The following CD99L2 variants were observed in gnomAD, a reference collection of about 807,000 sequenced individuals.
CD99L2 encodes the protein CD99 antigen-like protein 2.
Under a neutral mutation model 27.3 loss-of-function variants are expected in CD99L2, and 24 were observed. The observed-to-expected ratio is 0.88, with a 90% CI of 0.64 to 1.24. The LOEUF is 1.24. CD99L2 is among the 50% of genes most tolerant of loss of function. The pLI is 0.00. For missense variants in CD99L2, 255 were observed against 221.6 expected (o/e 1.15, Z -0.96); for synonymous variants, 97 against 87.9 (o/e 1.10, Z -0.58).
chrX:150,816,360 G>T (rs1419413086), intron 2 of CD99L2: 19 of 334,781 alleles, frequency 5.7e-5, no homozygotes, highest in South Asian at 2.2e-4. Context: ...CTTGCACCCA[G>T]ATCTGCTGGA....
At chrX:150,823,192 A>C (rs2046266089) in intron 2 of CD99L2, among the ~76,000 whole-genome samples, 1 of 112,593 alleles carries the variant, frequency 8.9e-6, no homozygotes, top group South Asian at 3.7e-4. Context: ...TATTAGCAGC[A>C]TGAGAATGGA....
intron 2 of CD99L2, among the ~76,000 whole-genome samples, chrX:150,827,147 C>T (rs150192934): frequency 1.7e-3 from 192 of 111,011 alleles, no homozygotes; most frequent in Non-Finnish European, 2.5e-3. Flanking sequence ...AGGTCATTTA[C>T]GATACAATCT....
At chrX:150,807,773 T>C (rs2046017496) in intron 4 of CD99L2, among the ~76,000 whole-genome samples, 1 of 112,292 alleles carries the variant, frequency 8.9e-6, no homozygotes, top group South Asian at 3.7e-4. Context: ...CCACTTATAT[T>C]TGATAGAAAT....
chrX:150,885,492 G>A (rs34984949), intron 1 of CD99L2, among the ~76,000 whole-genome samples: 21,742 of 111,275 alleles, frequency 0.2, 1,667 homozygotes, highest in African/African-American at 0.29. Flanking sequence ...TGCCAATAAT[G>A]TGAAATACAT....
rs137911303 is a variant in CD99L2, at chrX:150,880,330, T to G, written c.67+18192A>C. Among the ~76,000 whole-genome samples the G allele has an allele frequency of 2.4e-3, 269 of 112,331 alleles. 3 individuals are homozygous for G. The highest frequency in any genetic ancestry group is 7.8e-3 in the African/African-American group (241 of 30,944). ...TCAGCTGGGGAACAGATAAACACCA[T>G]GTGGTCTACCCATAAAATGGAATAC... On this transcript the variant is annotated intron_variant, in intron 1 of 10. Coordinates refer to ENST00000370377, the MANE Select transcript of CD99L2 (RefSeq NM_031462.4).
chrX:150,824,210 G>A (rs782074293), intron 2 of CD99L2, among the ~76,000 whole-genome samples: 2 of 73,197 alleles, frequency 2.7e-5, no homozygotes, highest in South Asian at 2.1e-3. Context: ...GGAGGAGGAA[G>A]AGGAGGAGGA....
intron 2 of CD99L2, among the ~76,000 whole-genome samples, chrX:150,818,590 T>C (rs927521086): frequency 1.5e-4 from 17 of 111,201 alleles, no homozygotes; most frequent in Non-Finnish European, 1.9e-5. Context: ...AAACACAACA[T>C]ACCAAAACTT....
chrX:150,879,700 A>T (rs1158262566), intron 1 of CD99L2, among the ~76,000 whole-genome samples: 1 of 94,435 alleles, frequency 1.1e-5, no homozygotes, highest in African/African-American at 3.9e-5. Flanking sequence ...TGAGCCTAGG[A>T]GTTCAAGACC....
chrX:150,824,326 G>GAGA (rs1222953852), intron 2 of CD99L2, among the ~76,000 whole-genome samples: 5 of 80,495 alleles, frequency 6.2e-5, no homozygotes, highest in East Asian at 7.6e-4. Context: ...GGAGGAGGAG[G>GAGA]AGAAGAAGAA....
At chrX:150,870,768 C>T (rs1569566128) in intron 1 of CD99L2, among the ~76,000 whole-genome samples, 2 of 110,953 alleles carry the variant, frequency 1.8e-5, no homozygotes, top group Non-Finnish European at 3.8e-5. Context: ...TGCACCCCCC[C>T]ATCCTAGCAG....
At chrX:150,824,258 AAG>A (rs2046301592) in intron 2 of CD99L2, among the ~76,000 whole-genome samples, 3 of 70,853 alleles carry the variant, frequency 4.2e-5, no homozygotes, top group African/African-American at 1.7e-4. Context: ...GAGGAGGAGG[AAG>A]AAGGAAGGAG....
At chrX:150,844,338 G>A (rs1384297131) in intron 1 of CD99L2, among the ~76,000 whole-genome samples, 1 of 111,934 alleles carries the variant, frequency 8.9e-6, no homozygotes, top group East Asian at 2.8e-4. Context: ...CTGCTTGTGG[G>A]AAATCTATGC....
chrX:150,769,818 TTGCCAACAGCTCCTGAATCCAGAAAG>T lies in CD99L2; in HGVS notation c.721+460_721+485del, dbSNP rs1212368916. Among the ~76,000 whole-genome samples the T allele has an allele frequency of 3.6e-5, 4 of 112,385 alleles. No individual in the cohort carries two copies. In the South Asian group the frequency reaches 1.5e-3, roughly 41 times the overall value. The stretch of plus-strand genomic sequence containing the variant: ...TGGCCTGAACTTATGCGACCTCAAA[TTGCCAACAGCTCCTGAATCCAGAAAG>T]TGCTTGATGACCACAGAAGGGGGAG... On this transcript the variant is annotated intron_variant, in intron 10 of 10. Coordinates refer to ENST00000370377, the MANE Select transcript of CD99L2 (RefSeq NM_031462.4).
intron 2 of CD99L2, among the ~76,000 whole-genome samples, chrX:150,824,817 G>A (rs1044697674): frequency 4.5e-5 from 5 of 112,147 alleles, no homozygotes; most frequent in African/African-American, 9.7e-5. Context: ...TAGCAAGGGG[G>A]TTGTTGCAGT....
chrX:150,830,288 T>C (rs1428687403), intron 2 of CD99L2, among the ~76,000 whole-genome samples: 19 of 111,828 alleles, frequency 1.7e-4, no homozygotes, highest in Non-Finnish European at 2.3e-4. Context: ...TGGTGGCTAA[T>C]GCTCATAATC....
At chrX:150,835,902 C>T (rs1243797737) in intron 1 of CD99L2, among the ~76,000 whole-genome samples, 4 of 111,248 alleles carry the variant, frequency 3.6e-5, no homozygotes, top group African/African-American at 1.3e-4. Flanking sequence ...AGTTCTTCCA[C>T]CCCACCCCAG....
At chrX:150,789,214 C>T (rs2045646648) in intron 7 of CD99L2, among the ~76,000 whole-genome samples, 1 of 105,714 alleles carries the variant, frequency 9.5e-6, no homozygotes, top group Admixed American at 1.0e-4. Context: ...CTTCCACCTC[C>T]CAGGTTCAAG....
At chrX:150,874,661 C>T (rs974317767) in intron 1 of CD99L2, among the ~76,000 whole-genome samples, 2 of 111,913 alleles carry the variant, frequency 1.8e-5, no homozygotes, top group African/African-American at 6.5e-5. Flanking sequence ...CCTCATTCTT[C>T]TGACTCCTCT....
At chrX:150,852,931 G>T (rs1557421645) in intron 1 of CD99L2, among the ~76,000 whole-genome samples, 1 of 111,678 alleles carries the variant, frequency 9.0e-6, no homozygotes, top group Non-Finnish European at 1.9e-5. Context: ...TGTACAGCCG[G>T]GTTTTCAGTT....
Sources: allele counts gnomAD v4.1 joint callset (sites outside exome capture counted in the v4.1 genomes callset), GRCh38; gene constraint gnomAD v4.1.1; transcripts MANE v1.5; gene names NCBI Gene and HGNC (gene_info 2026-07-23, HGNC 2026-07-21).